The following SLX9 variants were observed in gnomAD, a reference collection of about 807,000 sequenced individuals.
SLX9 encodes the protein SLX9 ribosome biogenesis factor.
A neutral mutation model predicts 20.8 loss-of-function variants in SLX9; 19 were observed. The ratio of observed to expected loss-of-function variants is 0.91; its 90% CI spans 0.64 to 1.34. The LOEUF is 1.34. Among genes scored for constraint, SLX9 ranks in the 40% most tolerant of loss-of-function variants. The probability of loss-of-function intolerance (pLI) is 0.00; values close to 1 mark genes in which losing one functional copy is unlikely to be tolerated. For missense variants in SLX9, 299 were observed against 322.2 expected (o/e 0.93, Z 0.55); for synonymous variants, 113 against 137.1 (o/e 0.82, Z 1.23).
At chr21:44,948,390 G>A (rs1020903722) in intron 2 of SLX9, among the ~76,000 whole-genome samples, 16 of 151,184 alleles carry the variant, frequency 1.1e-4, no homozygotes, top group Non-Finnish European at 2.1e-4. Flanking sequence ...ATGCAGCATC[G>A]GGCGGTCCGG....
At chr21:44,957,888 T>C (rs1379249291) in intron 2 of SLX9, among the ~76,000 whole-genome samples, 1 of 152,120 alleles carries the variant, frequency 6.6e-6, no homozygotes, top group Non-Finnish European at 1.5e-5. Context: ...GGAGTGGCAG[T>C]GTGTGAGCCG....
intron 2 of SLX9, chr21:44,958,425 GT>G (rs1738244911): frequency 6.6e-6 from 1 of 152,326 alleles, no homozygotes; most frequent in African/African-American, 2.4e-5. Context: ...CTTGTCGTAG[GT>G]AAGTTTAGAA....
intron 3 of SLX9, among the ~76,000 whole-genome samples, chr21:44,962,999 C>T (rs1311128219): frequency 6.6e-6 from 1 of 151,926 alleles, no homozygotes; most frequent in Non-Finnish European, 1.5e-5. Context: ...TTATTGAGCT[C>T]TAAGAGTTCT....
intron 2 of SLX9, among the ~76,000 whole-genome samples, chr21:44,953,494 C>G (rs2146633229): frequency 6.6e-6 from 1 of 152,276 alleles, no homozygotes; most frequent in Middle Eastern, 3.4e-3. Context: ...CCTGCACCAT[C>G]CCCGGCGGTG....
intron 2 of SLX9, among the ~76,000 whole-genome samples, chr21:44,944,430 C>G (rs73906957): frequency 6.6e-6 from 1 of 152,134 alleles, no homozygotes; most frequent in Admixed American, 6.5e-5. Flanking sequence ...CAGGGAACGC[C>G]GTCCCCCTGC....
At chr21:44,941,148 C>T (rs995866714) in intron 1 of SLX9, among the ~76,000 whole-genome samples, 1 of 151,986 alleles carries the variant, frequency 6.6e-6, no homozygotes, top group African/African-American at 2.4e-5. Flanking sequence ...GTCATTATAC[C>T]TTCGTTTAGT....
intron 2 of SLX9, among the ~76,000 whole-genome samples, chr21:44,959,686 A>G (rs2838746): frequency 0.054 from 8,272 of 152,302 alleles, 724 homozygotes; most frequent in African/African-American, 0.19. Flanking sequence ...ACGTGACCAC[A>G]CAGGATCTTG....
chr21:44,959,661 A>C (rs948309712), intron 2 of SLX9, among the ~76,000 whole-genome samples: 2 of 152,218 alleles, frequency 1.3e-5, no homozygotes, highest in African/African-American at 2.4e-5. Context: ...GGGAGCACGT[A>C]CGTCGCTGGG....
chr21:44,942,907 A>G (rs932091381), intron 1 of SLX9, among the ~76,000 whole-genome samples: 1 of 152,096 alleles, frequency 6.6e-6, no homozygotes, highest in Admixed American at 6.5e-5. Context: ...CATCTTCCAT[A>G]TGGGGGTTTT....
At chr21:44,976,617 GT>G (rs2085268174) in intron 5 of SLX9, 62 bp from the exon 6 acceptor site, 1 of 1,539,518 alleles carries the variant, frequency 6.5e-7, no homozygotes, top group Non-Finnish European at 8.8e-7. Flanking sequence ...ACGTTTCCGG[GT>G]GTTGAGGGGC....
At chr21:44,948,307 CGGGG>C (rs2084685679) in intron 2 of SLX9, among the ~76,000 whole-genome samples, 1 of 97,864 alleles carries the variant, frequency 1.0e-5, no homozygotes, top group African/African-American at 4.3e-5. Flanking sequence ...TCGGGCGGTC[CGGGG>C]AGCTGGTCGT....
At chr21:44,939,884 G>C, upstream of SLX9, 1 of 621,100 alleles carries the variant, frequency 1.6e-6, no homozygotes, top group Non-Finnish European at 2.6e-6. Flanking sequence ...GTCGGTGAAA[G>C]GCGGAGCGCC....
rs769818293 is a variant in SLX9 at position 44,940,132 on chromosome 21, C to A, written c.75C>A (p.Gly25=). ...GGCCGAAAGGGGAGGCCGCCCCCGG[C>A]CCCGCGCCCCCTGCCCCGGAGGCGA... The part of the protein sequence containing the change: ...AVRPKGEAAP[G]PAPPAPEATP... Residue 25 remains glycine, a synonymous_variant, in exon 1 of 6, where the codon GGC becomes GGA. Transcript: ENST00000291634. 6.6e-6 allele frequency: 9 copies of A among 1,353,412 alleles called. No individual in the cohort carries two copies. The South Asian group carries it at 1.7e-4, about 26-fold the overall frequency. 83.8% of individuals were successfully genotyped at this position (1,353,412 alleles called of 1,614,324 possible).
chr21:44,961,198 T>C (rs1425374423), intron 3 of SLX9, among the ~76,000 whole-genome samples: 3 of 152,220 alleles, frequency 2.0e-5, no homozygotes, highest in African/African-American at 7.2e-5. Context: ...GCTGTAATTC[T>C]TTGATGATGT....
intron 3 of SLX9, among the ~76,000 whole-genome samples, chr21:44,962,317 A>G (rs1010749830): frequency 6.6e-6 from 1 of 152,082 alleles, no homozygotes; most frequent in Non-Finnish European, 1.5e-5. Flanking sequence ...GCACCCCCCC[A>G]GTCAATTACC....
chr21:44,960,930 A>G (rs552497434), intron 3 of SLX9, among the ~76,000 whole-genome samples: 29 of 152,282 alleles, frequency 1.9e-4, no homozygotes, highest in Middle Eastern at 6.8e-3. Context: ...TTAATTTGGA[A>G]TATTTTCTTT....
intron 4 of SLX9, 88 bp downstream of exon 4, chr21:44,967,269 A>G: frequency 1.4e-6 from 2 of 1,476,356 alleles, no homozygotes; most frequent in Non-Finnish European, 1.8e-6. Context: ...GCCACGGGCC[A>G]CGGTGCTTCC....
intron 2 of SLX9, among the ~76,000 whole-genome samples, chr21:44,950,165 TC>T (rs1312034555): frequency 6.6e-6 from 1 of 151,504 alleles, no homozygotes; most frequent in Admixed American, 6.6e-5. Context: ...CCTGCCTGTG[TC>T]TCTGGGCTTG....
At chr21:44,974,718 T>C (rs2085230643) in intron 5 of SLX9, among the ~76,000 whole-genome samples, 1 of 152,130 alleles carries the variant, frequency 6.6e-6, no homozygotes, top group Admixed American at 6.5e-5. Context: ...CGTAGATCTT[T>C]GTGTTTGTCC....
Sources: allele counts gnomAD v4.1 joint callset (sites outside exome capture counted in the v4.1 genomes callset), GRCh38; gene constraint gnomAD v4.1.1; transcripts MANE v1.5; gene names NCBI Gene and HGNC (gene_info 2026-07-23, HGNC 2026-07-21).